GPHN: variants seen among roughly 807,000 people sequenced by gnomAD.
GPHN encodes gephyrin.
In GPHN, 17 loss-of-function variants were observed where a neutral mutation model predicts 95.5. The observed-to-expected ratio is 0.18, with a 90% CI of 0.12 to 0.27. GPHN has a LOEUF of 0.27. GPHN is among the 10% of genes least tolerant of loss of function. The pLI is 1.00. For missense variants in GPHN, 660 were observed against 978.1 expected, an observed-to-expected ratio of 0.67 and a Z score of 4.34; for synonymous variants, 320 against 322.5, an observed-to-expected ratio of 0.99 and a Z score of 0.08.
At chr14:67,109,741 GA>G (rs530433778) in intron 13 of GPHN, among the ~76,000 whole-genome samples, 80 of 152,222 alleles carry the variant, frequency 5.3e-4, no homozygotes, top group African/African-American at 1.7e-3. Context: ...AAGTTATGAA[GA>G]TTTTTTTTTG....
At chr14:67,275,926 C>T in the GPHN span, among the ~76,000 whole-genome samples, 27 of 152,230 alleles carry the variant, frequency 1.8e-4, no homozygotes, top group Middle Eastern at 6.8e-3. Context: ...TTACAGTGTT[C>T]TCTGATGGTA....
chr14:67,036,501 GCACACACACA>G (rs762967467), intron 10 of GPHN, among the ~76,000 whole-genome samples: 23 of 118,184 alleles, frequency 1.9e-4, no homozygotes, highest in South Asian at 5.9e-4. Flanking sequence ...ATACATACAT[GCACACACACA>G]CACACACACA....
the GPHN span, among the ~76,000 whole-genome samples, chr14:67,553,663 C>G: frequency 6.6e-6 from 1 of 152,242 alleles, no homozygotes; most frequent in Non-Finnish European, 1.5e-5. Flanking sequence ...AACCCCCCAC[C>G]ACCAAGGAGA....
intron 3 of GPHN, among the ~76,000 whole-genome samples, chr14:66,793,001 G>C (rs1364092453): frequency 6.6e-6 from 1 of 152,262 alleles, no homozygotes; most frequent in Non-Finnish European, 1.5e-5. Flanking sequence ...TATTGTTTGT[G>C]GTTTAAGAAT....
intron 10 of GPHN, among the ~76,000 whole-genome samples, chr14:67,055,003 A>G (rs1170577441): frequency 6.6e-6 from 1 of 152,246 alleles, no homozygotes; most frequent in Non-Finnish European, 1.5e-5. Context: ...CTAGAAGAAA[A>G]TCTAGGCAAT....
the GPHN span, among the ~76,000 whole-genome samples, chr14:67,568,129 G>A: frequency 7.2e-5 from 11 of 152,098 alleles, no homozygotes; most frequent in South Asian, 2.1e-4. Flanking sequence ...GGGAAAAAAC[G>A]TGCCCTAAGT....
At chr14:67,087,032 T>G (rs760463107) in intron 11 of GPHN, among the ~76,000 whole-genome samples, 35 of 125,366 alleles carry the variant, frequency 2.8e-4, no homozygotes, top group Admixed American at 5.6e-4. Context: ...AGCAAGACTC[T>G]GTCTCAAAAA....
the GPHN span, among the ~76,000 whole-genome samples, chr14:67,327,640 T>TC: frequency 6.6e-6 from 1 of 151,412 alleles, no homozygotes; most frequent in African/African-American, 2.4e-5. Context: ...CCCTCCCCTC[T>TC]CCCCCCACCC....
the GPHN span, among the ~76,000 whole-genome samples, chr14:67,639,924 C>CAAAAAAAAAAAAAAAAAAAAAAAAAA: frequency 1.6e-5 from 1 of 61,832 alleles, no homozygotes; most frequent in African/African-American, 6.9e-5. Flanking sequence ...GACCCTGTCT[C>CAAAAAAAAAAAAAAAAAAAAAAAAAA]AAAAAAAAAA....
downstream of GPHN, among the ~76,000 whole-genome samples, chr14:67,183,304 A>G (rs2083348683): frequency 6.6e-6 from 1 of 152,208 alleles, no homozygotes; most frequent in African/African-American, 2.4e-5. Context: ...GCATATGTGC[A>G]TATATGCAAG....
chr14:67,314,909 A>G, the GPHN span, among the ~76,000 whole-genome samples: 23 of 152,178 alleles, frequency 1.5e-4, no homozygotes, highest in Admixed American at 1.4e-3. Context: ...TGGGCCACAT[A>G]GTGGCATAGC....
intron 1 of GPHN, among the ~76,000 whole-genome samples, chr14:66,511,746 T>C (rs1328772891): frequency 6.6e-6 from 1 of 152,058 alleles, no homozygotes; most frequent in African/African-American, 2.4e-5. Context: ...GGGAAATATT[T>C]AGCAGAAGCA....
chr14:67,616,996 T>G, the GPHN span: 1 of 152,206 alleles, frequency 6.6e-6, no homozygotes, highest in Non-Finnish European at 1.5e-5. Flanking sequence ...TGCCTCAGCC[T>G]CCTGAGTAGC....
chr14:66,800,251 C>T (rs928533332), intron 3 of GPHN, among the ~76,000 whole-genome samples: 82 of 152,052 alleles, frequency 5.4e-4, no homozygotes, highest in African/African-American at 1.9e-3. Flanking sequence ...ACCCCAGTTA[C>T]AGTGTTGTAA....
intron 1 of GPHN, among the ~76,000 whole-genome samples, chr14:66,540,806 C>T (rs2059326462): frequency 1.3e-5 from 2 of 152,138 alleles, no homozygotes; most frequent in South Asian, 2.1e-4. Flanking sequence ...CAGAGTCTTG[C>T]ACTGTTGTCC....
At chr14:66,530,392 G>A (rs1300630460) in intron 1 of GPHN, among the ~76,000 whole-genome samples, 2 of 152,142 alleles carry the variant, frequency 1.3e-5, no homozygotes, top group Non-Finnish European at 2.9e-5. Context: ...CTCCTTGGGG[G>A]TGGGTTCCCC....
chr14:66,893,960 T>A (rs1254826376), intron 5 of GPHN, among the ~76,000 whole-genome samples: 2 of 152,208 alleles, frequency 1.3e-5, no homozygotes, highest in African/African-American at 4.8e-5. Context: ...ATAGATTTAA[T>A]GCCATCCCCA....
intron 8 of GPHN, among the ~76,000 whole-genome samples, chr14:66,959,300 A>G (rs2068740256): frequency 6.6e-6 from 1 of 152,074 alleles, no homozygotes; most frequent in Admixed American, 6.6e-5. Flanking sequence ...TCTTCATGTC[A>G]GAGGATTCAC....
the GPHN span, among the ~76,000 whole-genome samples, chr14:67,212,633 A>ACAC: frequency 6.9e-6 from 1 of 145,754 alleles, no homozygotes; most frequent in African/African-American, 2.5e-5. Context: ...TATTATATAT[A>ACAC]ATATATATTA....
Sources: allele counts gnomAD v4.1 joint callset (sites outside exome capture counted in the v4.1 genomes callset), GRCh38; gene constraint gnomAD v4.1.1; transcripts MANE v1.5; gene names NCBI Gene and HGNC (gene_info 2026-07-23, HGNC 2026-07-21).